The following SYT2 variants were observed in gnomAD, a reference collection of about 807,000 sequenced individuals.
SYT2 encodes synaptotagmin 2.
SYT2 carries 15 observed loss-of-function variants against 39.9 expected under a neutral mutation model. The observed-to-expected ratio is 0.38, with a 90% CI of 0.25 to 0.58. The LOEUF is 0.58. SYT2 is among the 20% of genes least tolerant of loss of function. The pLI is 0.70. For missense variants in SYT2, 389 were observed against 530.3 expected, an observed-to-expected ratio of 0.73 and a Z score of 2.62; for synonymous variants, 181 against 204.5, an observed-to-expected ratio of 0.89 and a Z score of 0.98.
rs1690686307 is a variant in SYT2, at chr1:202,605,807, A to G, written c.-17-18T>C. Reference sequence around the variant, plus strand: ...GGAAACAGCTGGGGACGAGAGGTGAAGAGGGCAGGGTGAGCATCCAGAGGT... The same window carrying G: ...GGAAACAGCTGGGGACGAGAGGTGAGGAGGGCAGGGTGAGCATCCAGAGGT... On this transcript the variant is annotated intron_variant, in intron 1 of 8. Transcript: ENST00000367268. The G allele has an allele frequency of 1.2e-6, 2 of 1,606,934 alleles. No individual in the cohort carries two copies. Among genetic ancestry groups the G allele is most frequent in the African/African-American group, 2.7e-5 (2 of 74,802 alleles).
intron 1 of SYT2, among the ~76,000 whole-genome samples, chr1:202,615,504 G>A (rs61820903): frequency 0.026 from 3,975 of 152,180 alleles, 70 homozygotes; most frequent in South Asian, 0.047. Flanking sequence ...CCTCCAGCTG[G>A]AGTACCACAG....
Position 202,599,239 on chromosome 1 carries a change from CTCAAAGCTGA to C in SYT2, c.1022_1031del (p.Phe341Ter). The C allele has an allele frequency of 6.2e-7, 1 of 1,613,418 alleles. No homozygotes were observed. The highest frequency in any genetic ancestry group is 1.3e-5 in the African/African-American group (1 of 75,022). On this transcript the variant is annotated frameshift_variant, in exon 8 of 9. Coordinates refer to ENST00000367268, the MANE Select transcript of SYT2 (RefSeq NM_177402.5). LOFTEE classifies it high-confidence loss of function. This position sits in a 1 kb window ranked among gnomAD's most constrained non-coding sequence, Gnocchi z 4.4. ...GCACCTGAATCTGCTCGAAGGGGAT[CTCAAAGCTGA>C]AGGACTCGTTGAAGTATGGGTTCAG...
intron 1 of SYT2, among the ~76,000 whole-genome samples, chr1:202,688,861 G>A (rs528658360): frequency 1.3e-5 from 2 of 152,286 alleles, no homozygotes; most frequent in South Asian, 4.1e-4. Context: ...GTCCCCGGGT[G>A]GCCTCCTCAC....
At position 202,591,750 on chromosome 1, in the gene SYT2, G is replaced by A. The variant is rs1690127043; in HGVS notation, c.*5007C>T. On this transcript the variant is annotated 3_prime_UTR_variant, in exon 9 of 9. Coordinates refer to ENST00000367268, the MANE Select transcript of SYT2 (RefSeq NM_177402.5). ...CCACAGACCCTCACACTACAGAGGT[G>A]AGTAAGCAGGGATGGTTCTGTCATC... 1 of 152,734 alleles carries A rather than the reference G, an allele frequency of 6.5e-6. No individual in the cohort carries two copies. Among genetic ancestry groups the A allele is most frequent in the Admixed American group, 6.5e-5 (1 of 15,284 alleles). The allele number at this position is 152,734 out of a possible 1,614,324, so 9.5% of individuals were successfully genotyped here.
intron 1 of SYT2, among the ~76,000 whole-genome samples, chr1:202,624,577 G>GTGTGTGATGTGTGTGGTATC (rs1691303576): frequency 8.0e-6 from 1 of 124,558 alleles, no homozygotes; most frequent in Admixed American, 7.3e-5. Flanking sequence ...AGTGTGTGTG[G>GTGTGTGATGTGTGTGGTATC]TGTGTGATGT....
intron 1 of SYT2, among the ~76,000 whole-genome samples, chr1:202,680,605 A>C (rs944311210): frequency 1.3e-5 from 2 of 152,194 alleles, no homozygotes; most frequent in Admixed American, 1.3e-4. Context: ...GGGAATGAGA[A>C]GGTGCCCAAG....
chr1:202,686,900 T>C (rs1653683080), intron 1 of SYT2, among the ~76,000 whole-genome samples: 1 of 152,060 alleles, frequency 6.6e-6, no homozygotes, highest in Non-Finnish European at 1.5e-5. Flanking sequence ...ATCTGGAAAA[T>C]GCCTACTCTT....
At chr1:202,698,195 G>C (rs1416674131) in intron 1 of SYT2, among the ~76,000 whole-genome samples, 2 of 152,076 alleles carry the variant, frequency 1.3e-5, no homozygotes, top group East Asian at 1.9e-4. Context: ...ACCATGTCTA[G>C]GTCTTTCCCC....
chr1:202,702,789 G>A (rs1654152891), intron 1 of SYT2, among the ~76,000 whole-genome samples: 1 of 152,238 alleles, frequency 6.6e-6, no homozygotes, highest in Non-Finnish European at 1.5e-5. Context: ...CCCCAAGAGG[G>A]ATAGAGGTAA....
intron 1 of SYT2, among the ~76,000 whole-genome samples, chr1:202,681,639 G>A (rs372184076): frequency 4.7e-4 from 72 of 152,324 alleles, no homozygotes; most frequent in African/African-American, 1.6e-3. Flanking sequence ...CCTAATGATC[G>A]GTGGGCAGGG....
At chr1:202,696,774 A>G (rs1394273795) in intron 1 of SYT2, among the ~76,000 whole-genome samples, 1 of 152,242 alleles carries the variant, frequency 6.6e-6, no homozygotes, top group Non-Finnish European at 1.5e-5. Context: ...AGTAGACGTA[A>G]TATCATGAAT....
intron 1 of SYT2, among the ~76,000 whole-genome samples, chr1:202,700,960 C>A (rs1361144958): frequency 6.6e-6 from 1 of 152,148 alleles, no homozygotes; most frequent in Non-Finnish European, 1.5e-5. Flanking sequence ...TGCTTGTTTG[C>A]CTCTGTGCAT....
At chr1:202,639,103 G>A (rs887686601) in intron 1 of SYT2, among the ~76,000 whole-genome samples, 20 of 152,170 alleles carry the variant, frequency 1.3e-4, no homozygotes, top group Middle Eastern at 3.2e-3. Flanking sequence ...GAGCAGCAGC[G>A]TGGCATAGCT....
chr1:202,645,109 C>G (rs1692052542), intron 1 of SYT2, among the ~76,000 whole-genome samples: 1 of 152,164 alleles, frequency 6.6e-6, no homozygotes, highest in Admixed American at 6.5e-5. Context: ...CTGAGCCCCT[C>G]TAGTCAGGTC....
chr1:202,658,141 TC>T (rs1251340385), intron 1 of SYT2, among the ~76,000 whole-genome samples: 1 of 152,026 alleles, frequency 6.6e-6, no homozygotes, highest in Non-Finnish European at 1.5e-5. Flanking sequence ...TCTCTTAGGG[TC>T]CTTTCGGCTC....
At chr1:202,694,214 T>C (rs146139507) in intron 1 of SYT2, among the ~76,000 whole-genome samples, 60 of 152,352 alleles carry the variant, frequency 3.9e-4, no homozygotes, top group Non-Finnish European at 6.2e-4. Flanking sequence ...AATCCTTAGA[T>C]GCCCCTGGGA....
At chr1:202,707,217 C>A (rs1182946147) in intron 1 of SYT2, among the ~76,000 whole-genome samples, 2 of 152,154 alleles carry the variant, frequency 1.3e-5, no homozygotes, top group Non-Finnish European at 2.9e-5. Context: ...CACCTCCCCA[C>A]CCAGAGAGAC....
Position 202,600,492 on chromosome 1 carries a change from AG to A in SYT2, c.802-19del. The A allele has an allele frequency of 6.2e-7, 1 of 1,612,446 alleles. No homozygotes were observed. The stretch of plus-strand genomic sequence containing the variant: ...TTCTCCGGCTGTCCAGGGGAAGAGC[AG>A]GACTTGGGTCATCTCACCCATCCTA... On this transcript the variant is annotated intron_variant, in intron 6 of 8. Coordinates refer to ENST00000367268, the MANE Select transcript of SYT2 (RefSeq NM_177402.5).
At position 202,624,759 on chromosome 1, in the gene SYT2, TGTGTGTG is replaced by T. The variant is rs1201264871; in HGVS notation, c.-17-18977_-17-18971del. On this transcript the variant is annotated intron_variant, in intron 1 of 8. Transcript: ENST00000367268. ...GTGGCATGTAGTAGGGTGTGTGGTG[TGTGTGTG>T]GTGTGTGGTGTGTGTGTGGTGTGTA... 4.3e-3 allele frequency among the ~76,000 whole-genome samples: 447 copies of T among 104,266 alleles called. 2 individuals carry two copies. Among genetic ancestry groups the T allele is most frequent in the African/African-American group, 0.019 (413 of 21,252 alleles). The allele number at this position is 104,266 out of a possible 152,430, so 68.4% of individuals were successfully genotyped here.
Sources: gnomAD v4.1 joint callset for allele counts (sites outside exome capture counted in the v4.1 genomes callset) on GRCh38, gnomAD v4.1.1 for gene constraint, Gnocchi (gnomAD v3.1) non-coding constraint, MANE v1.5 for transcripts, NCBI Gene and HGNC (gene_info 2026-07-23, HGNC 2026-07-21) for gene names.